The following ALPK3 variants were observed in gnomAD, a reference collection of about 807,000 sequenced individuals.
ALPK3 encodes alpha kinase 3.
Under a neutral mutation model 140.0 loss-of-function variants are expected in ALPK3, and 102 were observed. The observed-to-expected ratio is 0.73, with a 90% confidence interval of 0.62 to 0.86. The LOEUF is 0.86. Ranked by LOEUF, ALPK3 falls within the 40% of genes least tolerant of loss-of-function variation. ALPK3 has a pLI of 0.00. For missense variants in ALPK3, 2,254 were observed against 2,208.2 expected (o/e 1.02, Z -0.42); for synonymous variants, 938 against 898.5 (o/e 1.04, Z -0.79).
chr15:84,867,811 G>C (rs1964018103), intron 13 of ALPK3, among the ~76,000 whole-genome samples: 1 of 152,204 alleles, frequency 6.6e-6, no homozygotes, highest in African/African-American at 2.4e-5. Flanking sequence ...CAGGCATGGT[G>C]GCTCACGCCT....
At chr15:84,833,072 A>C (rs1376600128) in intron 3 of ALPK3, among the ~76,000 whole-genome samples, 2 of 152,242 alleles carry the variant, frequency 1.3e-5, no homozygotes, top group Non-Finnish European at 2.9e-5. Context: ...CATGATGACC[A>C]GGCAGGGCTG....
chr15:84,859,927 G>T (rs752983025), intron 8 of ALPK3, 24 bp downstream of exon 8: 1 of 1,613,892 alleles, frequency 6.2e-7, no homozygotes. Flanking sequence ...GCGGCCCGGG[G>T]TCTCAGCCTG....
At chr15:84,823,527 A>T (rs1801763523) in intron 2 of ALPK3, among the ~76,000 whole-genome samples, 159 bp downstream of exon 2, 1 of 152,072 alleles carries the variant, frequency 6.6e-6, no homozygotes, top group Non-Finnish European at 1.5e-5. Context: ...TCAGGTGAAC[A>T]TGGCTCTCAC....
chr15:84,825,520 T>C (rs1262240784), intron 2 of ALPK3, among the ~76,000 whole-genome samples: 3 of 152,196 alleles, frequency 2.0e-5, no homozygotes, highest in African/African-American at 7.2e-5. Flanking sequence ...CAAATTTTCT[T>C]AAAACATAGT....
intron 3 of ALPK3, among the ~76,000 whole-genome samples, chr15:84,836,420 A>C (rs1332728823): frequency 2.6e-5 from 4 of 152,206 alleles, no homozygotes; most frequent in Non-Finnish European, 4.4e-5. Context: ...AAAGAAATTG[A>C]GGTGTGAGAT....
rs372536101 is a variant in ALPK3 at position 84,857,281 on chromosome 15, C to T, written c.2543C>T (p.Pro848Leu). The T allele has an allele frequency of 5.0e-5, 81 of 1,613,926 alleles. No individual in the cohort carries two copies. The highest frequency in any genetic ancestry group is 1.7e-4 in the African/African-American group (13 of 74,910). The change falls in exon 6 of 14, where the codon CCG becomes CTG. Residue 848 changes from proline (P) to leucine (L), a missense_variant. Coordinates refer to ENST00000258888, the MANE Select transcript of ALPK3 (RefSeq NM_020778.5). ...CPKEERPGGV[P>L]CMDQGGCPLA... ...AAGGAGGAGCGGCCAGGGGGAGTGC[C>T]GTGTATGGATCAGGGTGGCTGTCCT... is the stretch of plus-strand genomic sequence containing the variant.
At chr15:84,833,510 T>A (rs1349397027) in intron 3 of ALPK3, among the ~76,000 whole-genome samples, 1 of 152,214 alleles carries the variant, frequency 6.6e-6, no homozygotes, top group Non-Finnish European at 1.5e-5. Flanking sequence ...TGGATGGATC[T>A]CTGGCTGAGA....
intron 5 of ALPK3, among the ~76,000 whole-genome samples, chr15:84,842,353 A>G (rs1596150689): frequency 6.6e-6 from 1 of 152,228 alleles, no homozygotes; most frequent in Non-Finnish European, 1.5e-5. Context: ...TTTTTGCTAA[A>G]TCTGATAACC....
At chr15:84,820,798 A>AT (rs1963413260) in intron 1 of ALPK3, among the ~76,000 whole-genome samples, 4 of 151,912 alleles carry the variant, frequency 2.6e-5, no homozygotes, top group Admixed American at 2.6e-4. Context: ...TTAATTATTT[A>AT]TTTTTTATAA....
At chr15:84,841,283 A>G (rs954143445) in intron 5 of ALPK3, among the ~76,000 whole-genome samples, 3 of 152,164 alleles carry the variant, frequency 2.0e-5, no homozygotes, top group African/African-American at 4.8e-5. Flanking sequence ...ACAGTGTTTC[A>G]TGGGGGAGAC....
chr15:84,842,527 G>A (rs1359756580), intron 5 of ALPK3, among the ~76,000 whole-genome samples: 1 of 152,172 alleles, frequency 6.6e-6, no homozygotes, highest in Admixed American at 6.5e-5. Context: ...GAGCAGTGAA[G>A]GGAAGCACAT....
At chr15:84,823,261 G>A (rs1963447554) in intron 1 of ALPK3, 69 bp from the exon 2 acceptor site, 32 of 1,565,476 alleles carry the variant, frequency 2.0e-5, no homozygotes, top group Non-Finnish European at 2.6e-5. Flanking sequence ...AATAGTTTGC[G>A]ACTGTTGATT....
In ALPK3 at chr15:84,868,571, C is replaced by A. The variant is rs771666425; in HGVS notation, c.*115C>A. The A allele has an allele frequency of 1.4e-5, 14 of 1,035,314 alleles. No individual in the cohort carries two copies. Among genetic ancestry groups the A allele is most frequent in the Non-Finnish European group, 1.8e-5 (13 of 733,066 alleles). The allele number at this position is 1,035,314 out of a possible 1,614,324, so 64.1% of individuals were successfully genotyped here. A position where few individuals can be genotyped will look rare whatever the true frequency, so the allele number is the denominator to read the frequency against. On this transcript the variant is annotated 3_prime_UTR_variant, in exon 14 of 14. Coordinates refer to ENST00000258888, the MANE Select transcript of ALPK3 (RefSeq NM_020778.5). ...CTGGAGAAGGTGCACGAAGGAGACA[C>A]CACTTGGGGACCTCTCTGAGCAGGC...
intron 1 of ALPK3, among the ~76,000 whole-genome samples, chr15:84,817,814 AGGCTCAAGAGAG>A (rs1963378513): frequency 6.6e-6 from 1 of 152,128 alleles, no homozygotes; most frequent in Admixed American, 6.5e-5. Context: ...TGGCAATTCG[AGGCTCAAGAGAG>A]GACAAAGGCT....
chr15:84,857,693 G>C lies in ALPK3; in HGVS notation c.2955G>C (p.Gly985=). The change falls in exon 6 of 14, where the codon GGG becomes GGC. Residue 985 remains glycine, a synonymous_variant. Coordinates refer to ENST00000258888, the MANE Select transcript of ALPK3 (RefSeq NM_020778.5). Reference sequence around the variant, plus strand: ...GAGCAGGGGGAGAGTCCCAGGTGGGGGCAGCCACCGGAGGTCTGGTGCCCT... The same window carrying C: ...GAGCAGGGGGAGAGTCCCAGGTGGGCGCAGCCACCGGAGGTCTGGTGCCCT... The part of the protein sequence containing the change: ...TSGAGGESQV[G]AATGGLVPSA... The C allele has an allele frequency of 6.2e-7, 1 of 1,610,758 alleles. No individual in the cohort carries two copies. Among genetic ancestry groups the C allele is most frequent in the Non-Finnish European group, 8.5e-7 (1 of 1,177,722 alleles).
intron 3 of ALPK3, among the ~76,000 whole-genome samples, chr15:84,837,887 T>A (rs1231355858): frequency 6.6e-6 from 1 of 152,230 alleles, no homozygotes. Flanking sequence ...GAAGCTAAAT[T>A]TTTCAGATAC....
rs773997314 is a variant in ALPK3, at chr15:84,857,731, C to T, written c.2993C>T (p.Thr998Ile). ...GGTCTGGTGCCCTCAGCCACTCTGACACCCACTGTGGAAGTGGCTGGGCTT... is the reference window on the plus strand; with the variant it reads ...GGTCTGGTGCCCTCAGCCACTCTGATACCCACTGTGGAAGTGGCTGGGCTT... ...TGGLVPSATL[T>I]PTVEVAGLSP... The change falls in exon 6 of 14, where the codon ACA (threonine) becomes ATA (isoleucine). Residue 998 changes from threonine (T) to isoleucine (I), a missense_variant. Thr to Ile is a moderately conservative substitution (Grantham distance 89). Coordinates refer to ENST00000258888, the MANE Select transcript of ALPK3 (RefSeq NM_020778.5). The T allele has an allele frequency of 1.2e-5, 19 of 1,613,342 alleles. No homozygotes were observed. The highest frequency in any genetic ancestry group is 1.7e-5 in the Admixed American group (1 of 59,994).
intron 3 of ALPK3, among the ~76,000 whole-genome samples, chr15:84,833,055 C>A (rs986478482): frequency 4.6e-5 from 7 of 152,158 alleles, no homozygotes; most frequent in African/African-American, 1.7e-4. Flanking sequence ...GCTTTTCTGC[C>A]ACATCTCATG....
In ALPK3 at chr15:84,868,685, C is replaced by T. The variant is rs889428355; in HGVS notation, c.*229C>T. On this transcript the variant is annotated 3_prime_UTR_variant, in exon 14 of 14. Transcript: ENST00000258888. The stretch of plus-strand genomic sequence containing the variant: ...TGGTGCCACTGTCACCCAGGGCTCC[C>T]GGGCCTCAAGCAGTCCCCACCTCCA... 4.0e-5 allele frequency: 23 copies of T among 569,812 alleles called. No homozygotes were observed. Among genetic ancestry groups the T allele is most frequent in the Non-Finnish European group, 6.2e-5 (20 of 322,872 alleles). The allele number at this position is 569,812 out of a possible 1,614,324, so 35.3% of individuals were successfully genotyped here. A position where few individuals can be genotyped will look rare whatever the true frequency, so the allele number is the denominator to read the frequency against.
Sources: allele counts gnomAD v4.1 joint callset (sites outside exome capture counted in the v4.1 genomes callset), GRCh38; gene constraint gnomAD v4.1.1; transcripts MANE v1.5; gene names NCBI Gene and HGNC (gene_info 2026-07-23, HGNC 2026-07-21).